Variants in SYCP1 observed in about 807,000 individuals in gnomAD.
SYCP1 encodes synaptonemal complex protein 1.
A neutral mutation model predicts 153.1 loss-of-function variants in SYCP1; 64 were observed. The ratio of observed to expected loss-of-function variants is 0.42; its 90% CI spans 0.34 to 0.51. The LOEUF (loss-of-function observed/expected upper bound fraction) is 0.51. SYCP1 is among the 20% of genes least tolerant of loss of function. SYCP1 has a pLI of 0.06. For synonymous variants in SYCP1, 384 were observed against 341.8 expected (o/e 1.12, Z -1.36); for missense variants, 997 against 1,049.0 (o/e 0.95, Z 0.68).
intron 27 of SYCP1, among the ~76,000 whole-genome samples, chr1:114,952,006 T>A (rs1671139457): frequency 6.6e-6 from 1 of 152,210 alleles, no homozygotes; most frequent in Non-Finnish European, 1.5e-5. Flanking sequence ...TTTTTTTAGT[T>A]TTTATTGCCA....
intron 23 of SYCP1, among the ~76,000 whole-genome samples, chr1:114,937,861 C>T (rs919783923): frequency 2.0e-5 from 3 of 152,128 alleles, no homozygotes; most frequent in African/African-American, 7.2e-5. Flanking sequence ...CATCTCATGC[C>T]AGTTAGAGTG....
Position 114,920,953 on chromosome 1 carries a change from T to C in SYCP1, c.1719-2496T>C, listed in dbSNP as rs147198650. Among the ~76,000 whole-genome samples, 969 of 152,238 alleles carry C rather than the reference T, an allele frequency of 6.4e-3. 9 individuals are homozygous for C. The highest frequency in any genetic ancestry group is 0.022 in the African/African-American group (911 of 41,560). On this transcript the variant is annotated intron_variant, in intron 20 of 31. Transcript: ENST00000369522. ...CATTCAATTGCTCTATGTCTTTTGA[T>C]TGAAGAGTTTAGTCCATTTACATTC...
rs1399616997 is a variant in SYCP1, at chr1:114,994,678, T to A, written c.2704-20T>A. ...TAATGATGGTAAACCCAACATCATA[T>A]TTTTTTATTTTTCTTCAAGAGCATG... On this transcript the variant is annotated intron_variant, in intron 30 of 31. Coordinates refer to ENST00000369522, the MANE Select transcript of SYCP1 (RefSeq NM_003176.4). 6 of 1,528,686 alleles carry A rather than the reference T, an allele frequency of 3.9e-6. No individual in the cohort carries two copies. In the Admixed American group the frequency reaches 6.9e-5, roughly 18 times the overall value. 94.7% of individuals were successfully genotyped at this position (1,528,686 alleles called of 1,614,324 possible). A position where few individuals can be genotyped will look rare whatever the true frequency, so the allele number is the denominator to read the frequency against.
At chr1:114,878,430 A>G (rs1419173957) in intron 12 of SYCP1, among the ~76,000 whole-genome samples, 2 of 152,106 alleles carry the variant, frequency 1.3e-5, no homozygotes, top group African/African-American at 2.4e-5. Context: ...AAATGTTTCA[A>G]CTATATGCTC....
At position 114,944,556 on chromosome 1, in the gene SYCP1, A is replaced by G. The variant is rs182351869; in HGVS notation, c.2043+101A>G. On this transcript the variant is annotated intron_variant, in intron 24 of 31. Coordinates refer to ENST00000369522, the MANE Select transcript of SYCP1 (RefSeq NM_003176.4). The stretch of plus-strand genomic sequence containing the variant: ...AAAAAAATCTTAACTATTAAATTAC[A>G]ATTTTAGAAAAGGGTTAGTAAATTT... The G allele has an allele frequency of 2.8e-4, 206 of 743,294 alleles. 3 individuals are homozygous for G. In the African/African-American group the frequency reaches 3.6e-3, roughly 13 times the overall value. 46.0% of individuals were successfully genotyped at this position (743,294 alleles called of 1,614,324 possible).
At chr1:114,968,083 C>T (rs1336479480) in intron 27 of SYCP1, among the ~76,000 whole-genome samples, 8 of 152,236 alleles carry the variant, frequency 5.3e-5, no homozygotes, top group African/African-American at 1.2e-4. Flanking sequence ...GTGGGTAACC[C>T]GACCTTTCTC....
Position 114,910,389 on chromosome 1 carries a change from A to G in SYCP1, c.1321-8A>G, listed in dbSNP as rs1411326893. ...TGGCATTCCTGATTTGTTAATGTTT[A>G]TAAATAGGGAGAAAAGGAAACACTT... is the stretch of plus-strand genomic sequence containing the variant. On this transcript the variant is annotated splice_region_variant and splice_polypyrimidine_tract_variant and intron_variant, in intron 16 of 31. Transcript: ENST00000369522. 6.4e-7 allele frequency: 1 copy of G among 1,564,198 alleles called. No homozygotes were observed. The highest frequency in any genetic ancestry group is 8.7e-7 in the Non-Finnish European group (1 of 1,145,312).
intron 30 of SYCP1, among the ~76,000 whole-genome samples, chr1:114,993,706 T>C (rs1674079766): frequency 6.6e-6 from 1 of 151,510 alleles, no homozygotes; most frequent in Admixed American, 6.6e-5. Context: ...GACAACATTA[T>C]ATTTATTTCT....
intron 20 of SYCP1, among the ~76,000 whole-genome samples, chr1:114,918,372 A>G (rs1340172231): frequency 6.6e-6 from 1 of 152,098 alleles, no homozygotes. Context: ...TGCTAATGCC[A>G]TGCTGTTTTG....
At chr1:114,983,022 C>T (rs987187162) in intron 29 of SYCP1, among the ~76,000 whole-genome samples, 3 of 152,066 alleles carry the variant, frequency 2.0e-5, no homozygotes, top group Middle Eastern at 3.4e-3. Flanking sequence ...CTTCAAATGC[C>T]TAGAATGAAT....
At chr1:114,908,515 A>G (rs907466095) in intron 16 of SYCP1, among the ~76,000 whole-genome samples, 2 of 152,180 alleles carry the variant, frequency 1.3e-5, no homozygotes, top group Middle Eastern at 3.4e-3. Context: ...ATATTGTTCC[A>G]CGGGTTCCTG....
At chr1:114,939,344 A>T (rs573042682) in intron 23 of SYCP1, among the ~76,000 whole-genome samples, 15 of 152,234 alleles carry the variant, frequency 9.9e-5, no homozygotes, top group Non-Finnish European at 1.9e-4. Context: ...AATCTTGTAC[A>T]AGAATATTCA....
chr1:114,857,817 A>G (rs1664115307), intron 5 of SYCP1, among the ~76,000 whole-genome samples: 2 of 152,194 alleles, frequency 1.3e-5, no homozygotes, highest in East Asian at 1.9e-4. Flanking sequence ...GGTTTATTGT[A>G]TAAGGAATTT....
chr1:114,897,397 T>C (rs1395756885), intron 16 of SYCP1, among the ~76,000 whole-genome samples: 2 of 151,976 alleles, frequency 1.3e-5, no homozygotes, highest in African/African-American at 2.4e-5. Flanking sequence ...GTGGGGTAGG[T>C]GGTAAGGACA....
intron 16 of SYCP1, among the ~76,000 whole-genome samples, chr1:114,907,235 A>AT (rs1667869619): frequency 1.3e-5 from 2 of 152,306 alleles, no homozygotes; most frequent in South Asian, 4.1e-4. Context: ...TAGCCTGCAT[A>AT]TAATTGGGTC....
At chr1:114,931,782 T>G (rs1669651418) in intron 23 of SYCP1, among the ~76,000 whole-genome samples, 1 of 152,108 alleles carries the variant, frequency 6.6e-6, no homozygotes, top group Non-Finnish European at 1.5e-5. Flanking sequence ...TAGAACAAAA[T>G]TGGAAGATTT....
chr1:114,898,810 C>G (rs1203327087), intron 16 of SYCP1, among the ~76,000 whole-genome samples: 1 of 152,130 alleles, frequency 6.6e-6, no homozygotes. Flanking sequence ...GTACTCTGTT[C>G]CACAAGGAAT....
At chr1:114,885,148 A>G (rs1391263359) in intron 12 of SYCP1, among the ~76,000 whole-genome samples, 1 of 152,018 alleles carries the variant, frequency 6.6e-6, no homozygotes, top group Non-Finnish European at 1.5e-5. Flanking sequence ...TTTTAAACCC[A>G]CTCTTTTTAT....
intron 27 of SYCP1, among the ~76,000 whole-genome samples, chr1:114,975,490 T>C (rs2101927915): frequency 6.6e-6 from 1 of 151,888 alleles, no homozygotes; most frequent in African/African-American, 2.4e-5. Context: ...TTTTAGTATT[T>C]ATTATTTTAC....
Sources: gnomAD v4.1 joint callset for allele counts (sites outside exome capture counted in the v4.1 genomes callset) on GRCh38, gnomAD v4.1.1 for gene constraint, MANE v1.5 for transcripts, NCBI Gene and HGNC (gene_info 2026-07-23, HGNC 2026-07-21) for gene names.